The following CDK17 variants were observed in gnomAD, a reference collection of about 807,000 sequenced individuals.
CDK17 encodes the protein cyclin dependent kinase 17.
A neutral mutation model predicts 77.6 loss-of-function variants in CDK17; 24 were observed. The observed-to-expected ratio is 0.31, with a 90% CI of 0.22 to 0.44. CDK17 has a LOEUF of 0.44. Ranked by LOEUF, CDK17 falls within the 20% of genes least tolerant of loss-of-function variation. CDK17 has a pLI of 1.00. For synonymous variants in CDK17, 203 were observed against 210.4 expected (o/e 0.96, Z 0.30); for missense variants, 429 against 622.5 (o/e 0.69, Z 3.31).
At chr12:96,304,848 A>G (rs1952556791) in intron 5 of CDK17, among the ~76,000 whole-genome samples, 1 of 152,196 alleles carries the variant, frequency 6.6e-6, no homozygotes, top group South Asian at 2.1e-4. Flanking sequence ...GAGAGATGTA[A>G]GGACTTGATT....
intron 1 of CDK17, among the ~76,000 whole-genome samples, chr12:96,362,937 T>C (rs1428307131): frequency 6.6e-6 from 1 of 152,144 alleles, no homozygotes; most frequent in Non-Finnish European, 1.5e-5. Flanking sequence ...TCAGATGTTC[T>C]AGATGTGTCT....
At chr12:96,330,828 C>G (rs983774187) in intron 2 of CDK17, among the ~76,000 whole-genome samples, 4 of 152,152 alleles carry the variant, frequency 2.6e-5, no homozygotes, top group African/African-American at 9.7e-5. Flanking sequence ...GTGTACAAGA[C>G]TTTGATTACC....
At chr12:96,296,650 C>A (rs571820733) in intron 9 of CDK17, among the ~76,000 whole-genome samples, 1 of 152,116 alleles carries the variant, frequency 6.6e-6, no homozygotes, top group East Asian at 1.9e-4. Context: ...GTCAAAGAAA[C>A]CTACTGTAAG....
chr12:96,347,689 A>G (rs1198940332), intron 1 of CDK17, among the ~76,000 whole-genome samples: 2 of 151,092 alleles, frequency 1.3e-5, no homozygotes, highest in African/African-American at 4.9e-5. Flanking sequence ...AGCACTATAT[A>G]CCTATTGTAT....
intron 3 of CDK17, among the ~76,000 whole-genome samples, chr12:96,316,938 CG>C (rs1203462456): frequency 3.3e-5 from 5 of 150,140 alleles, no homozygotes; most frequent in African/African-American, 9.8e-5. Flanking sequence ...TCACCAGCAA[CG>C]GAACAAAGCT....
chr12:96,346,435 G>C (rs931186384), intron 1 of CDK17, among the ~76,000 whole-genome samples: 9 of 145,828 alleles, frequency 6.2e-5, no homozygotes, highest in South Asian at 4.5e-4. Context: ...CTGGGTGACA[G>C]AGTGAGACTC....
At chr12:96,384,105 A>G (rs1049835775) in intron 1 of CDK17, among the ~76,000 whole-genome samples, 1 of 152,192 alleles carries the variant, frequency 6.6e-6, no homozygotes, top group Non-Finnish European at 1.5e-5. Context: ...ATGAACAGAC[A>G]TTTCTCAAAA....
intron 1 of CDK17, among the ~76,000 whole-genome samples, chr12:96,338,526 A>G (rs1311905726): frequency 6.6e-6 from 1 of 152,122 alleles, no homozygotes; most frequent in African/African-American, 2.4e-5. Context: ...TTCGGACTCC[A>G]ACTTTTTCAA....
intron 1 of CDK17, among the ~76,000 whole-genome samples, chr12:96,390,988 G>T (rs113753739): frequency 0.049 from 7,363 of 151,106 alleles, 240 homozygotes; most frequent in Non-Finnish European, 0.061. Context: ...TCGGGAGGCT[G>T]AGACAGGAGA....
chr12:96,310,325 A>T (rs1952631215), intron 5 of CDK17, among the ~76,000 whole-genome samples: 1 of 152,078 alleles, frequency 6.6e-6, no homozygotes, highest in South Asian at 2.1e-4. Context: ...TATCTACATA[A>T]AATATATTTT....
At chr12:96,347,801 A>G (rs1183040706) in intron 1 of CDK17, among the ~76,000 whole-genome samples, 4 of 152,240 alleles carry the variant, frequency 2.6e-5, no homozygotes, top group Non-Finnish European at 5.9e-5. Flanking sequence ...AAGGCAGGCC[A>G]TAAAACAAGT....
intron 1 of CDK17, among the ~76,000 whole-genome samples, chr12:96,348,646 C>T (rs975571721): frequency 1.3e-5 from 2 of 151,050 alleles, no homozygotes; most frequent in Non-Finnish European, 2.9e-5. Context: ...AACATCACTA[C>T]CAATTATACA....
intron 3 of CDK17, among the ~76,000 whole-genome samples, chr12:96,316,904 C>T (rs1166140376): frequency 1.3e-5 from 2 of 150,734 alleles, no homozygotes; most frequent in Non-Finnish European, 3.0e-5. Context: ...GAGTGCCTCT[C>T]CTCCTCCAAA....
intron 1 of CDK17, among the ~76,000 whole-genome samples, chr12:96,353,558 C>T (rs1432685094): frequency 6.7e-6 from 1 of 148,574 alleles, no homozygotes; most frequent in Non-Finnish European, 1.5e-5. Context: ...TTTACACACA[C>T]TGCATATGTA....
chr12:96,344,814 TA>T (rs1953176930), intron 1 of CDK17, among the ~76,000 whole-genome samples: 1 of 152,226 alleles, frequency 6.6e-6, no homozygotes, highest in African/African-American at 2.4e-5. Context: ...CTTGTTTTTT[TA>T]ATTATTTTAT....
At chr12:96,390,823 C>T (rs1333670886) in intron 1 of CDK17, among the ~76,000 whole-genome samples, 4 of 151,276 alleles carry the variant, frequency 2.6e-5, no homozygotes, top group African/African-American at 7.3e-5. Context: ...AAAAACAAGG[C>T]TGGGTGTGGC....
At chr12:96,330,496 T>C (rs1952951611) in intron 2 of CDK17, among the ~76,000 whole-genome samples, 2 of 152,186 alleles carry the variant, frequency 1.3e-5, no homozygotes, top group African/African-American at 4.8e-5. Flanking sequence ...CTAAAGGAGA[T>C]CCCATACACA....
chr12:96,307,680 G>T (rs1308928411), intron 5 of CDK17, among the ~76,000 whole-genome samples: 1 of 152,084 alleles, frequency 6.6e-6, no homozygotes, highest in Non-Finnish European at 1.5e-5. Flanking sequence ...AGACCAGCTT[G>T]GCCAACACGG....
rs540829372 is a variant in CDK17, at chr12:96,350,519, A to G, written c.-29-15654T>C. Among the ~76,000 whole-genome samples the G allele has an allele frequency of 6.6e-5, 10 of 152,294 alleles. No individual in the cohort carries two copies. In the East Asian group the frequency reaches 1.2e-3, roughly 18 times the overall value. On this transcript the variant is annotated intron_variant, in intron 1 of 16. Coordinates refer to ENST00000261211, the MANE Select transcript of CDK17 (RefSeq NM_002595.5). ...ATAATCAAAACATTATGGTATTGACATAAGAATAGATATATATAGACCAAC... is the reference window on the plus strand; with the variant it reads ...ATAATCAAAACATTATGGTATTGACGTAAGAATAGATATATATAGACCAAC...
Sources: gnomAD v4.1 joint callset for allele counts (sites outside exome capture counted in the v4.1 genomes callset) on GRCh38, gnomAD v4.1.1 for gene constraint, MANE v1.5 for transcripts, NCBI Gene and HGNC (gene_info 2026-07-23, HGNC 2026-07-21) for gene names.